Variants in NEGR1 observed in about 807,000 individuals in gnomAD.
NEGR1 encodes neuronal growth regulator 1, also known as IgLON family member 4.
NEGR1 carries 10 observed loss-of-function variants against 40.9 expected under a neutral mutation model. That is an observed-to-expected ratio of 0.24 (90% CI 0.15 to 0.42). The LOEUF is 0.42. Ranked by LOEUF, NEGR1 falls within the 10% of genes least tolerant of loss-of-function variation. NEGR1 has a pLI of 1.00. For synonymous variants in NEGR1, 185 were observed against 166.8 expected (o/e 1.11, Z -0.84); for missense variants, 352 against 438.9 (o/e 0.80, Z 1.77).
chr1:71,652,949 C>A (rs1033217845), intron 4 of NEGR1, among the ~76,000 whole-genome samples: 4 of 151,882 alleles, frequency 2.6e-5, no homozygotes, highest in African/African-American at 9.7e-5. Context: ...TTATTTTCTT[C>A]TCTTTGCACT....
intron 1 of NEGR1, among the ~76,000 whole-genome samples, chr1:72,098,917 A>G (rs1427441572): frequency 6.6e-6 from 1 of 151,518 alleles, no homozygotes; most frequent in African/African-American, 2.4e-5. Flanking sequence ...ATAAAAAATA[A>G]AACTAAAATA....
At position 71,592,470 on chromosome 1, in the gene NEGR1, C is replaced by A. The variant is rs111311579; in HGVS notation, c.940+347G>T. On this transcript the variant is annotated intron_variant, in intron 6 of 6. Coordinates refer to ENST00000357731, the MANE Select transcript of NEGR1 (RefSeq NM_173808.3). ...ATTCAAGCCATGTTAATCTATACTT[C>A]AAGAATATGCAATACATTTAAAAAA... Among the ~76,000 whole-genome samples, 397 of 152,244 alleles carry A rather than the reference C, an allele frequency of 2.6e-3. 2 individuals are homozygous for A. The highest frequency in any genetic ancestry group is 8.8e-3 in the African/African-American group (367 of 41,546).
At chr1:72,208,324 T>C (rs1018577567) in intron 1 of NEGR1, among the ~76,000 whole-genome samples, 8 of 151,788 alleles carry the variant, frequency 5.3e-5, no homozygotes, top group Admixed American at 5.3e-4. Flanking sequence ...CCATTAGTTT[T>C]ATGCCAATGC....
In NEGR1 at chr1:72,120,910, A is replaced by C. The variant is rs540253938; in HGVS notation, c.176+161409T>G. 1.4e-4 allele frequency among the ~76,000 whole-genome samples: 21 copies of C among 152,148 alleles called. No homozygotes were observed. The South Asian group carries it at 3.5e-3, about 26-fold the overall frequency. Reference sequence around the variant, plus strand: ...CTTTCACATACAATGTTGTCATATAAAATTTTGTTTAAAAAAAAGGATCAG... The same window carrying C: ...CTTTCACATACAATGTTGTCATATACAATTTTGTTTAAAAAAAAGGATCAG... On this transcript the variant is annotated intron_variant, in intron 1 of 6. Coordinates refer to ENST00000357731, the MANE Select transcript of NEGR1 (RefSeq NM_173808.3).
chr1:71,587,490 C>A (rs1473403072), intron 6 of NEGR1, among the ~76,000 whole-genome samples: 1 of 152,104 alleles, frequency 6.6e-6, no homozygotes, highest in African/African-American at 2.4e-5. Context: ...TTAAAAAGCC[C>A]TGACTGCATA....
intron 1 of NEGR1, among the ~76,000 whole-genome samples, chr1:71,971,940 G>T (rs1291519520): frequency 6.6e-6 from 1 of 152,092 alleles, no homozygotes; most frequent in Non-Finnish European, 1.5e-5. Flanking sequence ...ATTTCAAAAG[G>T]TACTCACATT....
chr1:71,573,248 T>C (rs752267356), intron 6 of NEGR1, among the ~76,000 whole-genome samples: 10 of 152,166 alleles, frequency 6.6e-5, no homozygotes, highest in Non-Finnish European at 1.3e-4. Flanking sequence ...AGGAATGAAT[T>C]TGAAGATTGA....
intron 3 of NEGR1, among the ~76,000 whole-genome samples, chr1:71,718,924 G>A (rs1016677536): frequency 2.0e-5 from 3 of 152,072 alleles, no homozygotes; most frequent in Non-Finnish European, 2.9e-5. Flanking sequence ...CAAAACTTCA[G>A]CCAAGTCTAA....
At chr1:71,599,213 T>C (rs1382487920) in intron 5 of NEGR1, among the ~76,000 whole-genome samples, 1 of 152,174 alleles carries the variant, frequency 6.6e-6, no homozygotes, top group Non-Finnish European at 1.5e-5. Flanking sequence ...TTATGATAGG[T>C]GTTATTGTTC....
At chr1:71,935,011 T>C in intron 2 of NEGR1, 68 bp downstream of exon 2, 1 of 896,668 alleles carries the variant, frequency 1.1e-6, no homozygotes, top group South Asian at 1.5e-5. Context: ...CCTAGTCATT[T>C]TGATACCTAA....
At position 71,667,879 on chromosome 1, in the gene NEGR1, A is replaced by T. The variant is rs1028397950; in HGVS notation, c.667+30129T>A. ...TTGCAAAGAATTAATCTTTGCTCAG[A>T]GCTTACAAAAATATTTTGCATGATT... On this transcript the variant is annotated intron_variant, in intron 4 of 6. Transcript: ENST00000357731. 2.6e-5 allele frequency among the ~76,000 whole-genome samples: 4 copies of T among 152,150 alleles called. No homozygotes were observed. In the East Asian group the frequency reaches 7.7e-4, roughly 29 times the overall value.
intron 2 of NEGR1, among the ~76,000 whole-genome samples, chr1:71,857,626 C>CAAAAAA (rs59343025): frequency 3.7e-5 from 2 of 53,432 alleles, no homozygotes; most frequent in African/African-American, 7.5e-5. Flanking sequence ...GATCCTGTCT[C>CAAAAAA]AAAAAAAAAA....
intron 6 of NEGR1, among the ~76,000 whole-genome samples, chr1:71,458,898 T>C (rs1397186011): frequency 7.9e-5 from 12 of 152,180 alleles, no homozygotes; most frequent in Admixed American, 7.8e-4. Context: ...ATCAGTTCCA[T>C]GTGTCTCTGA....
intron 2 of NEGR1, among the ~76,000 whole-genome samples, chr1:71,920,671 G>T (rs1244445749): frequency 1.3e-5 from 2 of 152,324 alleles, no homozygotes; most frequent in East Asian, 3.9e-4. Context: ...CGAAGCAAAT[G>T]CTCAAAGGAT....
intron 1 of NEGR1, among the ~76,000 whole-genome samples, chr1:72,251,405 A>T (rs908065907): frequency 6.6e-6 from 1 of 152,224 alleles, no homozygotes; most frequent in African/African-American, 2.4e-5. Flanking sequence ...AGTATTTCAG[A>T]AACAGACTTA....
intron 1 of NEGR1, among the ~76,000 whole-genome samples, chr1:72,055,976 C>G (rs1172521835): frequency 2.7e-5 from 4 of 150,492 alleles, no homozygotes; most frequent in African/African-American, 9.7e-5. Flanking sequence ...CTTTATTATT[C>G]CTAAAATTCT....
rs143242231 is a variant in NEGR1 at position 71,580,055 on chromosome 1, C to T, written c.940+12762G>A. Among the ~76,000 whole-genome samples, 134 of 152,124 alleles carry T rather than the reference C, an allele frequency of 8.8e-4. 2 individuals are homozygous for T. In the East Asian group the frequency reaches 0.019, roughly 22 times the overall value. On this transcript the variant is annotated intron_variant, in intron 6 of 6. Transcript: ENST00000357731. ...CACAATAGCAAAGACTTGGAACCAA[C>T]CCAAATATCCAACAATGATAGACTG...
At chr1:71,642,646 A>C (rs1651393362) in intron 4 of NEGR1, among the ~76,000 whole-genome samples, 1 of 152,006 alleles carries the variant, frequency 6.6e-6, no homozygotes, top group Admixed American at 6.6e-5. Context: ...ATCACAAATC[A>C]ATGAAGGAAG....
chr1:71,846,416 A>AAC (rs1192454275), intron 2 of NEGR1, among the ~76,000 whole-genome samples: 1 of 132,514 alleles, frequency 7.5e-6, no homozygotes, highest in Admixed American at 8.5e-5. Context: ...CACACACACA[A>AAC]ACACACACAC....
Sources: allele counts gnomAD v4.1 joint callset (sites outside exome capture counted in the v4.1 genomes callset), GRCh38; gene constraint gnomAD v4.1.1; transcripts MANE v1.5; gene names NCBI Gene and HGNC (gene_info 2026-07-23, HGNC 2026-07-21).